PUDP: variants seen among roughly 807,000 people sequenced by gnomAD.
The protein encoded by PUDP is pseudouridine-5'-phosphatase.
A neutral mutation model predicts 9.4 loss-of-function variants in PUDP; 8 were observed. The observed-to-expected ratio is 0.85, with a 90% confidence interval of 0.50 to 1.53. PUDP has a LOEUF of 1.53. Among genes scored for constraint, PUDP ranks in the 40% most tolerant of loss-of-function variants. The pLI is 0.00. For missense variants in PUDP, 188 were observed against 189.7 expected (o/e 0.99, Z 0.05); for synonymous variants, 99 against 80.7 (o/e 1.23, Z -1.22).
chrX:6,709,892 G>A (rs909562666), intron 1 of PUDP, among the ~76,000 whole-genome samples: 1 of 111,993 alleles, frequency 8.9e-6, no homozygotes, highest in African/African-American at 3.2e-5. Flanking sequence ...GGAGGCCAAG[G>A]CAAGTGGATC....
chrX:7,124,306 TGAGA>T (rs758261230), intron 1 of PUDP, among the ~76,000 whole-genome samples: 5 of 111,867 alleles, frequency 4.5e-5, no homozygotes, highest in Middle Eastern at 4.6e-3. Context: ...GATGAAATTA[TGAGA>T]GAAATTAAAA....
intron 3 of PUDP, among the ~76,000 whole-genome samples, chrX:6,759,583 A>C (rs372287525): frequency 9.0e-6 from 1 of 111,447 alleles, no homozygotes; most frequent in East Asian, 2.8e-4. Flanking sequence ...TGAAAACCAA[A>C]AATGATTCCA....
chrX:6,996,090 A>T (rs1338230556), intron 1 of PUDP, among the ~76,000 whole-genome samples: 1 of 110,954 alleles, frequency 9.0e-6, no homozygotes, highest in Non-Finnish European at 1.9e-5. Flanking sequence ...GCTAATCCAT[A>T]TGGGCAAATA....
intron 1 of PUDP, among the ~76,000 whole-genome samples, chrX:6,720,702 G>A (rs6529964): frequency 0.098 from 10,767 of 109,665 alleles, 585 homozygotes; most frequent in African/African-American, 0.2. Context: ...TATGCACAGT[G>A]ATAGATAAGT....
At chrX:7,069,145 G>A (rs1930654099) in intron 3 of PUDP, among the ~76,000 whole-genome samples, 1 of 111,928 alleles carries the variant, frequency 8.9e-6, no homozygotes, top group Admixed American at 9.5e-5. Flanking sequence ...GTGGATGAGG[G>A]CGGATGGGCA....
At chrX:7,022,625 T>C (rs1929649287) in intron 1 of PUDP, among the ~76,000 whole-genome samples, 1 of 111,751 alleles carries the variant, frequency 8.9e-6, no homozygotes, top group African/African-American at 3.3e-5. Context: ...GTTCAAAATT[T>C]GACACTGCCA....
downstream of PUDP, among the ~76,000 whole-genome samples, chrX:7,045,583 T>C (rs971413001): frequency 8.9e-6 from 1 of 112,380 alleles, no homozygotes; most frequent in South Asian, 3.7e-4. Flanking sequence ...CCTGCTTATA[T>C]GGACTGCTTG....
intron 3 of PUDP, among the ~76,000 whole-genome samples, chrX:6,785,533 C>T (rs1325519648): frequency 1.8e-5 from 2 of 110,430 alleles, no homozygotes; most frequent in Non-Finnish European, 3.8e-5. Context: ...GATGGCATTC[C>T]AATCTTACAC....
At chrX:6,915,849 C>T (rs772155039) in intron 3 of PUDP, among the ~76,000 whole-genome samples, 21 of 111,250 alleles carry the variant, frequency 1.9e-4, no homozygotes, top group Admixed American at 3.8e-4. Context: ...TATGTGATCT[C>T]ACTTAATGGT....
At chrX:6,723,021 T>C (rs142491719), upstream of PUDP, among the ~76,000 whole-genome samples, 1,044 of 111,005 alleles carry the variant, frequency 9.4e-3, 40 homozygotes, top group Admixed American at 0.089. Context: ...ATGTACCTCA[T>C]TGTGATATTA....
chrX:6,816,158 G>A (rs1454892409), intron 3 of PUDP, among the ~76,000 whole-genome samples: 1 of 105,750 alleles, frequency 9.5e-6, no homozygotes. Context: ...ATAGCTAAGA[G>A]AAAAAGAAAG....
At chrX:6,895,368 C>T (rs1367712889) in intron 3 of PUDP, among the ~76,000 whole-genome samples, 2 of 97,550 alleles carry the variant, frequency 2.1e-5, no homozygotes, top group African/African-American at 7.2e-5. Flanking sequence ...ATTTTTAGTA[C>T]TATTTATTTA....
At chrX:6,742,821 T>C (rs1334457160) in intron 3 of PUDP, among the ~76,000 whole-genome samples, 3 of 112,183 alleles carry the variant, frequency 2.7e-5, no homozygotes, top group Non-Finnish European at 5.6e-5. Context: ...CAAAAAAATT[T>C]TGCTTATCCT....
At chrX:6,878,254 T>C (rs1319524713) in intron 3 of PUDP, among the ~76,000 whole-genome samples, 1 of 109,018 alleles carries the variant, frequency 9.2e-6, no homozygotes, top group Non-Finnish European at 1.9e-5. Context: ...AGAATAAATA[T>C]TAGGTTTCTC....
At chrX:6,839,192 G>A (rs1329950337) in intron 3 of PUDP, among the ~76,000 whole-genome samples, 1 of 111,507 alleles carries the variant, frequency 9.0e-6, no homozygotes, top group Non-Finnish European at 1.9e-5. Context: ...CTTCTTTTGA[G>A]GCAATAAGTA....
intron 1 of PUDP, among the ~76,000 whole-genome samples, chrX:6,996,271 A>G (rs1337310735): frequency 8.9e-6 from 1 of 111,882 alleles, no homozygotes; most frequent in Non-Finnish European, 1.9e-5. Flanking sequence ...AGAGAGGAGC[A>G]TGAGAAACAA....
At chrX:7,126,498 T>C (rs1288393952) in intron 1 of PUDP, among the ~76,000 whole-genome samples, 1 of 111,970 alleles carries the variant, frequency 8.9e-6, no homozygotes, top group Non-Finnish European at 1.9e-5. Context: ...TAGAAATTAA[T>C]TTTCTTGCAA....
At chrX:6,891,619 ACAAGT>A (rs1927517627) in intron 3 of PUDP, among the ~76,000 whole-genome samples, 1 of 111,869 alleles carries the variant, frequency 8.9e-6, no homozygotes, top group Admixed American at 9.5e-5. Context: ...TCTGCCTTGG[ACAAGT>A]CATTGCTCTC....
intron 3 of PUDP, among the ~76,000 whole-genome samples, chrX:6,794,158 G>A (rs975760545): frequency 7.1e-5 from 8 of 112,118 alleles, no homozygotes; most frequent in Non-Finnish European, 1.3e-4. Flanking sequence ...GTTGCTTAAC[G>A]ATGGGGACAC....
Sources: gnomAD v4.1 joint callset for allele counts (sites outside exome capture counted in the v4.1 genomes callset) on GRCh38, gnomAD v4.1.1 for gene constraint, MANE v1.5 for transcripts, NCBI Gene and HGNC (gene_info 2026-07-23, HGNC 2026-07-21) for gene names.